Variants in ITGAV observed in about 807,000 individuals in gnomAD.
ITGAV encodes integrin subunit alpha V.
A neutral mutation model predicts 143.8 loss-of-function variants in ITGAV; 76 were observed. The observed-to-expected ratio is 0.53, with a 90% CI of 0.44 to 0.64. ITGAV has a LOEUF of 0.64. ITGAV is among the 30% of genes least tolerant of loss of function. ITGAV has a pLI of 0.00. For synonymous variants in ITGAV, 453 were observed against 446.7 expected (o/e 1.01, Z -0.18); for missense variants, 1,193 against 1,274.7 (o/e 0.94, Z 0.98).
At chr2:186,673,028 G>A (rs186739103) in intron 26 of ITGAV, among the ~76,000 whole-genome samples, 54 of 152,076 alleles carry the variant, frequency 3.6e-4, no homozygotes, top group Admixed American at 5.9e-4. Flanking sequence ...AGGCTTTTTG[G>A]TTTTATAAGT....
chr2:186,650,561 CACTAGA>C (rs1688395491), intron 14 of ITGAV, among the ~76,000 whole-genome samples: 1 of 150,946 alleles, frequency 6.6e-6, no homozygotes, highest in African/African-American at 2.4e-5. Context: ...TGTTATTGAA[CACTAGA>C]ACTTCTTTTT....
intron 13 of ITGAV, among the ~76,000 whole-genome samples, chr2:186,648,174 ATCTT>A (rs1380961630): frequency 1.3e-5 from 2 of 151,940 alleles, no homozygotes; most frequent in African/African-American, 2.4e-5. Flanking sequence ...TGGCATTTTT[ATCTT>A]TCTTTATAAT....
intron 26 of ITGAV, among the ~76,000 whole-genome samples, chr2:186,674,647 G>C (rs1265334190): frequency 6.6e-6 from 1 of 152,062 alleles, no homozygotes; most frequent in African/African-American, 2.4e-5. Context: ...AAGTAGCTGG[G>C]ATTACAGGTG....
Position 186,666,734 on chromosome 2 carries a change from C to A in ITGAV, c.2197C>A (p.Gln733Lys). ...LLAGLRFSVHQQSEMDTSVKF... is the reference protein window; with the variant it reads ...LLAGLRFSVHKQSEMDTSVKF... ...AGCTGGTCTTCGTTTCAGTGTGCAC[C>A]AGCAGTCAGAGATGGATACTTCTGT... The change falls in exon 22 of 30, where the codon CAG (glutamine) becomes AAG (lysine). Residue 733 changes from glutamine to lysine, a missense_variant. By Grantham distance (53) the Gln-to-Lys change is moderately conservative (BLOSUM62 1). Coordinates refer to ENST00000261023, the MANE Select transcript of ITGAV (RefSeq NM_002210.5). 6.3e-7 allele frequency: 1 copy of A among 1,585,696 alleles called. No individual in the cohort carries two copies. The highest frequency in any genetic ancestry group is 8.6e-7 in the Non-Finnish European group (1 of 1,168,490).
chr2:186,638,258 GT>G lies in ITGAV; in HGVS notation c.803-16del. 6.2e-7 allele frequency: 1 copy of G among 1,608,656 alleles called. No homozygotes were observed. The highest frequency in any genetic ancestry group is 8.5e-7 in the Non-Finnish European group (1 of 1,175,482). ...TGTTGTCCTAAAAAATGAATAATTT[GT>G]TTGTTTGTTTGTTTCAGACTTTGTT... is the stretch of plus-strand genomic sequence containing the variant. On this transcript the variant is annotated intron_variant, in intron 8 of 29. Coordinates refer to ENST00000261023, the MANE Select transcript of ITGAV (RefSeq NM_002210.5).
chr2:186,600,706 C>G (rs1553498286), intron 1 of ITGAV, among the ~76,000 whole-genome samples: 1 of 152,232 alleles, frequency 6.6e-6, no homozygotes, highest in Non-Finnish European at 1.5e-5. Context: ...CGCCTGTAAT[C>G]CCAGCACTTT....
chr2:186,608,757 C>T (rs904576514), intron 2 of ITGAV, among the ~76,000 whole-genome samples: 1 of 152,064 alleles, frequency 6.6e-6, no homozygotes, highest in South Asian at 2.1e-4. Context: ...GTGTATGTTC[C>T]ATGCAAGTTT....
At chr2:186,620,659 C>T (rs898211267) in intron 2 of ITGAV, among the ~76,000 whole-genome samples, 44 of 152,030 alleles carry the variant, frequency 2.9e-4, no homozygotes, top group Non-Finnish European at 1.5e-4. Flanking sequence ...GCTACTGTGG[C>T]GGCTGAAGTG....
chr2:186,650,731 G>A (rs974875547), intron 14 of ITGAV, among the ~76,000 whole-genome samples: 2 of 151,716 alleles, frequency 1.3e-5, no homozygotes, highest in Non-Finnish European at 2.9e-5. Flanking sequence ...TGTATTTTTG[G>A]TAGAGACAGG....
chr2:186,620,056 A>T (rs1034197273), intron 2 of ITGAV, among the ~76,000 whole-genome samples: 1 of 152,080 alleles, frequency 6.6e-6, no homozygotes, highest in Non-Finnish European at 1.5e-5. Context: ...CATTCTCTCT[A>T]GTTATAGTGA....
In ITGAV at chr2:186,669,776, C is replaced by A; in HGVS notation, c.2668C>A (p.Arg890=). 6.2e-7 allele frequency: 1 copy of A among 1,613,948 alleles called. No individual in the cohort carries two copies. The highest frequency in any genetic ancestry group is 8.5e-7 in the Non-Finnish European group (1 of 1,179,868). Residue 890 remains arginine, a synonymous_variant, in exon 26 of 30, where the codon CGG becomes AGG. Coordinates refer to ENST00000261023, the MANE Select transcript of ITGAV (RefSeq NM_002210.5). ...QGERDHLITK[R]DLALSEGDIH... is the part of the protein sequence containing the mutation. ...TGAGCGGGACCATCTCATCACTAAG[C>A]GGGATCTTGCCCTCAGTGAAGGAGA...
intron 1 of ITGAV, chr2:186,600,324 T>G: frequency 8.7e-7 from 1 of 1,153,660 alleles, no homozygotes. Flanking sequence ...CCCTCCATCC[T>G]CAATACACAA....
intron 5 of ITGAV, among the ~76,000 whole-genome samples, chr2:186,631,777 A>T (rs1174071583): frequency 6.6e-6 from 1 of 152,218 alleles, no homozygotes; most frequent in Non-Finnish European, 1.5e-5. Flanking sequence ...TCATGCCTGT[A>T]GTCCCAGCAC....
intron 26 of ITGAV, among the ~76,000 whole-genome samples, chr2:186,674,212 G>A (rs1689144337): frequency 6.6e-6 from 1 of 152,128 alleles, no homozygotes; most frequent in Admixed American, 6.5e-5. Context: ...CTGGCCTCAA[G>A]TGACTTTCCC....
intron 1 of ITGAV, among the ~76,000 whole-genome samples, chr2:186,596,137 G>T (rs1290605493): frequency 6.6e-6 from 1 of 152,062 alleles, no homozygotes; most frequent in Non-Finnish European, 1.5e-5. Flanking sequence ...TTCTAAGTTT[G>T]CATTTATTTA....
rs1689244452 is a variant in ITGAV, at chr2:186,677,368, G to A, written c.*76G>A. The A allele has an allele frequency of 8.8e-7, 1 of 1,136,740 alleles. No homozygotes were observed. Among genetic ancestry groups the A allele is most frequent in the Non-Finnish European group, 1.3e-6 (1 of 774,168 alleles). The allele number at this position is 1,136,740 out of a possible 1,614,324, so 70.4% of individuals were successfully genotyped here. ...TATTATAGATTTAAACTTTCTTCAT[G>A]AGGAGTAAAAATCCAAGGCTTTACT... On this transcript the variant is annotated 3_prime_UTR_variant, in exon 30 of 30. Coordinates refer to ENST00000261023, the MANE Select transcript of ITGAV (RefSeq NM_002210.5).
At chr2:186,595,699 A>G (rs1298671164) in intron 1 of ITGAV, among the ~76,000 whole-genome samples, 1 of 146,296 alleles carries the variant, frequency 6.8e-6, no homozygotes, top group Non-Finnish European at 1.5e-5. Flanking sequence ...AAAAAAAAAA[A>G]TGTTGAGGAT....
chr2:186,635,489 C>G (rs866785818), intron 6 of ITGAV, among the ~76,000 whole-genome samples: 1 of 152,140 alleles, frequency 6.6e-6, no homozygotes, highest in African/African-American at 2.4e-5. Flanking sequence ...ACATTTCTTT[C>G]TAAAACAGCA....
intron 2 of ITGAV, among the ~76,000 whole-genome samples, chr2:186,604,024 C>T (rs952759832): frequency 4.0e-5 from 6 of 151,854 alleles, no homozygotes; most frequent in African/African-American, 7.3e-5. Flanking sequence ...GCCACCAGCC[C>T]GGCTAGTTTT....
Sources: gnomAD v4.1 joint callset for allele counts (sites outside exome capture counted in the v4.1 genomes callset) on GRCh38, gnomAD v4.1.1 for gene constraint, MANE v1.5 for transcripts, NCBI Gene and HGNC (gene_info 2026-07-23, HGNC 2026-07-21) for gene names.